NKAIN3: variants seen among roughly 807,000 people sequenced by gnomAD.
The protein encoded by NKAIN3 is sodium/potassium transporting ATPase interacting 3, also known as sodium/potassium-transporting ATPase subunit beta-1-interacting protein 3.
NKAIN3 carries 25 observed loss-of-function variants against 30.2 expected under a neutral mutation model. The observed-to-expected ratio is 0.83, with a 90% CI of 0.60 to 1.16. The LOEUF (loss-of-function observed/expected upper bound fraction) is 1.16, where lower values mean the gene tolerates loss of function less well. Among genes scored for constraint, NKAIN3 ranks in the 50% most tolerant of loss-of-function variants. The pLI is 0.00. For missense variants in NKAIN3, 225 were observed against 254.1 expected, an observed-to-expected ratio of 0.89 and a Z score of 0.78; for synonymous variants, 91 against 89.6, an observed-to-expected ratio of 1.02 and a Z score of -0.09.
intron 1 of NKAIN3, among the ~76,000 whole-genome samples, chr8:62,395,224 G>T (rs924077105): frequency 2.8e-5 from 4 of 143,216 alleles, no homozygotes; most frequent in African/African-American, 1.0e-4. Flanking sequence ...CAGACCGAGG[G>T]AGGTGCGGGG....
intron 4 of NKAIN3, among the ~76,000 whole-genome samples, chr8:62,853,861 C>T (rs551060963): frequency 1.2e-3 from 184 of 152,302 alleles, no homozygotes; most frequent in African/African-American, 4.3e-3. Flanking sequence ...TCTCTTGACA[C>T]TGCTTTATCT....
At chr8:62,423,827 T>A (rs570736799) in intron 1 of NKAIN3, among the ~76,000 whole-genome samples, 1 of 152,034 alleles carries the variant, frequency 6.6e-6, no homozygotes, top group African/African-American at 2.4e-5. Context: ...ACATATCTTA[T>A]ACTAAAAACA....
chr8:62,947,598 C>T (rs1327261535), intron 5 of NKAIN3, among the ~76,000 whole-genome samples: 1 of 152,158 alleles, frequency 6.6e-6, no homozygotes, highest in African/African-American at 2.4e-5. Context: ...GCTGGATGGG[C>T]AGCTGTCCTG....
At chr8:62,874,916 A>T (rs1170094510) in intron 4 of NKAIN3, among the ~76,000 whole-genome samples, 1 of 152,196 alleles carries the variant, frequency 6.6e-6, no homozygotes, top group Non-Finnish European at 1.5e-5. Context: ...CAACACAAGG[A>T]TGCCCTCTCT....
intron 1 of NKAIN3, among the ~76,000 whole-genome samples, chr8:62,508,612 A>G (rs1019148662): frequency 6.6e-6 from 1 of 152,156 alleles, no homozygotes; most frequent in Admixed American, 6.5e-5. Flanking sequence ...TTTGACATGC[A>G]TGGCCAGCTC....
At chr8:62,295,453 A>G (rs1339694062) in intron 1 of NKAIN3, among the ~76,000 whole-genome samples, 2 of 152,170 alleles carry the variant, frequency 1.3e-5, no homozygotes, top group African/African-American at 4.8e-5. Flanking sequence ...ACCTCACATC[A>G]TGGTTTGAAT....
rs1357775271 is a variant in NKAIN3 at position 62,973,632 on chromosome 8, A to G, written c.*8225A>G. Reference sequence around the variant, plus strand: ...TGTAGGTTGCCTGTTCACTCTGATAATAGTTTCTTTTGCTGCACAGAAGCT... The same window carrying G: ...TGTAGGTTGCCTGTTCACTCTGATAGTAGTTTCTTTTGCTGCACAGAAGCT... On this transcript the variant is annotated 3_prime_UTR_variant, in exon 7 of 7. Coordinates refer to ENST00000623646, the MANE Select transcript of NKAIN3 (RefSeq NM_001304533.3). Among the ~76,000 whole-genome samples, 1 of 152,086 alleles carries G rather than the reference A, an allele frequency of 6.6e-6. No individual in the cohort carries two copies. The highest frequency in any genetic ancestry group is 2.4e-5 in the African/African-American group (1 of 41,438).
intron 3 of NKAIN3, among the ~76,000 whole-genome samples, chr8:62,662,158 C>T (rs888496360): frequency 2.4e-4 from 36 of 152,172 alleles, no homozygotes; most frequent in African/African-American, 7.0e-4. Context: ...TTCTGTGCTG[C>T]ACGAGAGCCC....
rs372047071 is a variant in NKAIN3, at chr8:62,413,833, G to A, written c.54+164706G>A. On this transcript the variant is annotated intron_variant, in intron 1 of 6. Transcript: ENST00000623646. ...GATGATATAACTTATGATTTATTGA[G>A]TTATAACTTCTTATTCTAATTCCAA... is the stretch of plus-strand genomic sequence containing the variant. Among the ~76,000 whole-genome samples the A allele has an allele frequency of 2.6e-5, 4 of 152,098 alleles. No homozygotes were observed. In the East Asian group the frequency reaches 5.8e-4, roughly 22 times the overall value.
chr8:62,742,584 C>A lies in NKAIN3; in HGVS notation c.274-4348C>A, dbSNP rs183554038. On this transcript the variant is annotated intron_variant, in intron 3 of 6. Coordinates refer to ENST00000623646, the MANE Select transcript of NKAIN3 (RefSeq NM_001304533.3). ...TAAATACAAATGCCATTGTTTATATCTTTTTAACTCTAAAGACAAAAGCAA... is the reference window on the plus strand; with the variant it reads ...TAAATACAAATGCCATTGTTTATATATTTTTAACTCTAAAGACAAAAGCAA... Among the ~76,000 whole-genome samples, 973 of 152,288 alleles carry A rather than the reference C, an allele frequency of 6.4e-3. 10 individuals carry two copies. The highest frequency in any genetic ancestry group is 0.022 in the African/African-American group (912 of 41,556).
chr8:62,319,626 A>G (rs991199217), intron 1 of NKAIN3, among the ~76,000 whole-genome samples: 2 of 152,108 alleles, frequency 1.3e-5, no homozygotes, highest in African/African-American at 2.4e-5. Flanking sequence ...TTCAGTTTCC[A>G]TGTAGTTGAG....
At chr8:62,493,650 A>G (rs1807145055) in intron 1 of NKAIN3, among the ~76,000 whole-genome samples, 1 of 152,180 alleles carries the variant, frequency 6.6e-6, no homozygotes, top group Non-Finnish European at 1.5e-5. Context: ...CTTCCTATCC[A>G]TGAGCATGGA....
At chr8:62,395,000 C>T (rs13281269) in intron 1 of NKAIN3, among the ~76,000 whole-genome samples, 5 of 144,436 alleles carry the variant, frequency 3.5e-5, no homozygotes, top group East Asian at 2.1e-4. Context: ...CGGACAGAGG[C>T]GCTCATCACT....
chr8:62,395,409 G>A (rs1225524878), intron 1 of NKAIN3, among the ~76,000 whole-genome samples: 7 of 152,222 alleles, frequency 4.6e-5, no homozygotes, highest in Admixed American at 6.5e-5. Flanking sequence ...CTTCCCAGGC[G>A]GTGCGGGAAC....
chr8:62,391,437 A>C (rs1817580515), intron 1 of NKAIN3, among the ~76,000 whole-genome samples: 1 of 152,158 alleles, frequency 6.6e-6, no homozygotes, highest in Admixed American at 6.5e-5. Flanking sequence ...AGACAACATT[A>C]CATAAAACGA....
At chr8:62,517,413 G>A (rs993929578) in intron 1 of NKAIN3, among the ~76,000 whole-genome samples, 2 of 152,262 alleles carry the variant, frequency 1.3e-5, no homozygotes, top group Admixed American at 6.5e-5. Flanking sequence ...AGTGATACAA[G>A]TGCATGGAAT....
intron 3 of NKAIN3, among the ~76,000 whole-genome samples, chr8:62,631,657 T>C (rs762194890): frequency 1.3e-5 from 2 of 152,200 alleles, no homozygotes; most frequent in Non-Finnish European, 2.9e-5. Context: ...TCCAAACTTA[T>C]GTTAGCTTCC....
At chr8:62,855,058 TG>T (rs1472311748) in intron 4 of NKAIN3, 1 of 151,328 alleles carries the variant, frequency 6.6e-6, no homozygotes, top group African/African-American at 2.4e-5. Flanking sequence ...TTTTATTTTT[TG>T]TTTTTTTGTT....
intron 6 of NKAIN3, among the ~76,000 whole-genome samples, chr8:62,964,577 T>TGC (rs1554597359): frequency 1.4e-4 from 21 of 144,924 alleles, no homozygotes; most frequent in East Asian, 1.2e-3. Context: ...TGTGTGTGTG[T>TGC]GCTTCCCCAC....
Sources: gnomAD v4.1 joint callset for allele counts (sites outside exome capture counted in the v4.1 genomes callset) on GRCh38, gnomAD v4.1.1 for gene constraint, MANE v1.5 for transcripts, NCBI Gene and HGNC (gene_info 2026-07-23, HGNC 2026-07-21) for gene names.